MYBL2: variants seen among roughly 807,000 people sequenced by gnomAD.
The protein encoded by MYBL2 is myb-related protein B.
MYBL2 carries 28 observed loss-of-function variants against 79.9 expected under a neutral mutation model. The observed-to-expected ratio is 0.35, with a 90% CI of 0.26 to 0.48. The LOEUF (loss-of-function observed/expected upper bound fraction) is 0.48, where lower values mean the gene tolerates loss of function less well. Among genes scored for constraint, MYBL2 ranks in the 20% least tolerant of loss-of-function variants. The pLI, the probability that MYBL2 is intolerant of heterozygous loss-of-function variation, is 0.99. For synonymous variants in MYBL2, 378 were observed against 361.2 expected (o/e 1.05, Z -0.53); for missense variants, 735 against 893.9 (o/e 0.82, Z 2.27).
intron 1 of MYBL2, among the ~76,000 whole-genome samples, chr20:43,668,578 C>G (rs867653419): frequency 6.6e-6 from 1 of 151,990 alleles, no homozygotes; most frequent in South Asian, 2.1e-4. Flanking sequence ...CCCTTTCAGG[C>G]TGAGGATAGG....
intron 6 of MYBL2, among the ~76,000 whole-genome samples, chr20:43,697,955 A>G (rs1453206437): frequency 6.6e-6 from 1 of 151,194 alleles, no homozygotes; most frequent in Non-Finnish European, 1.5e-5. Context: ...ATGGTGTGCA[A>G]TGTGATGTTT....
chr20:43,682,584 C>A (rs570108412), intron 3 of MYBL2, among the ~76,000 whole-genome samples: 3 of 152,172 alleles, frequency 2.0e-5, no homozygotes, highest in Non-Finnish European at 4.4e-5. Flanking sequence ...CACAGGGGAC[C>A]GAGTTTGCCC....
intron 9 of MYBL2, among the ~76,000 whole-genome samples, chr20:43,706,718 A>ACTTTTTTTTTTTTTTT (rs1491241868): frequency 3.0e-4 from 1 of 3,336 alleles, no homozygotes; most frequent in African/African-American, 1.4e-3. Context: ...AAAAAAAAAA[A>ACTTTTTTTTTTTTTTT]GTTTTTTTTT....
Position 43,715,147 on chromosome 20 carries a change from C to T in MYBL2, c.1838C>T (p.Pro613Leu). Residue 613 changes from proline to leucine, a missense_variant, in exon 13 of 14, where the codon CCT (proline) becomes CTT (leucine). Physicochemically the swap from Pro to Leu is moderately conservative, Grantham distance 98. Coordinates refer to ENST00000217026, the MANE Select transcript of MYBL2 (RefSeq NM_002466.4). Reference sequence around the variant, plus strand: ...TTTTGGTTTCAGCCGACAACTGCCCCTTCAAACTCTTCCAGCCTCACCCTG... The same window carrying T: ...TTTTGGTTTCAGCCGACAACTGCCCTTTCAAACTCTTCCAGCCTCACCCTG... ...PKSLSLPTTA[P>L]SNSSSLTLSG... 1 of 1,614,218 alleles carries T rather than the reference C, an allele frequency of 6.2e-7. No homozygotes were observed. The highest frequency in any genetic ancestry group is 8.5e-7 in the Non-Finnish European group (1 of 1,180,020).
At chr20:43,667,685 G>T (rs1986751960) in intron 1 of MYBL2, among the ~76,000 whole-genome samples, 1 of 152,190 alleles carries the variant, frequency 6.6e-6, no homozygotes. Context: ...GGAGCGAGAG[G>T]GAGTCTTCAA....
intron 4 of MYBL2, among the ~76,000 whole-genome samples, chr20:43,685,604 A>G (rs1292507228): frequency 6.6e-6 from 1 of 152,154 alleles, no homozygotes; most frequent in Non-Finnish European, 1.5e-5. Flanking sequence ...AAAAAATACA[A>G]AAATTAGCCA....
chr20:43,716,235 G>A lies in MYBL2; in HGVS notation c.*148G>A. On this transcript the variant is annotated 3_prime_UTR_variant, in exon 14 of 14. Transcript: ENST00000217026. ...CCCAGACTCTCAGGTGGAGGCAACA[G>A]GGCCATGTGCTGCCCTGTTGCCGAG... The A allele has an allele frequency of 7.8e-7, 1 of 1,274,890 alleles. No homozygotes were observed. The highest frequency in any genetic ancestry group is 1.1e-6 in the Non-Finnish European group (1 of 933,226). 79.0% of individuals were successfully genotyped at this position (1,274,890 alleles called of 1,614,324 possible). A position where few individuals can be genotyped will look rare whatever the true frequency, so the allele number is the denominator to read the frequency against.
intron 9 of MYBL2, 40 bp from the exon 10 acceptor site, chr20:43,709,923 C>A: frequency 6.5e-7 from 1 of 1,528,778 alleles, no homozygotes; most frequent in South Asian, 1.2e-5. Context: ...GGCGTCGGCC[C>A]CTATCCTGTC....
intron 12 of MYBL2, 139 bp downstream of exon 12, chr20:43,713,245 C>A (rs1004578508): frequency 6.4e-6 from 4 of 629,912 alleles, no homozygotes; most frequent in Non-Finnish European, 1.1e-5. Context: ...GTCCGGGCAC[C>A]CACTCATGGC....
chr20:43,713,391 CTTT>C (rs1264826252), intron 12 of MYBL2, among the ~76,000 whole-genome samples: 1 of 141,678 alleles, frequency 7.1e-6, no homozygotes. Context: ...CTTTTTTTTT[CTTT>C]TTTTTTTTTT....
chr20:43,685,112 A>G (rs1469110179), intron 4 of MYBL2, among the ~76,000 whole-genome samples: 1 of 148,114 alleles, frequency 6.8e-6, no homozygotes, highest in Non-Finnish European at 1.5e-5. Flanking sequence ...GCGCCATTGT[A>G]CTCCAGCCTG....
At chr20:43,693,686 C>T (rs1987468396) in intron 6 of MYBL2, among the ~76,000 whole-genome samples, 4 of 152,184 alleles carry the variant, frequency 2.6e-5, no homozygotes, top group Admixed American at 2.6e-4. Context: ...TGTTAACATC[C>T]ACTGTCCTAT....
At chr20:43,684,917 TG>T (rs1987233016) in intron 4 of MYBL2, among the ~76,000 whole-genome samples, 1 of 149,956 alleles carries the variant, frequency 6.7e-6, no homozygotes, top group South Asian at 2.1e-4. Context: ...GAGCCTGGGG[TG>T]GGTGGATCAC....
Position 43,667,277 on chromosome 20 carries a change from C to CG in MYBL2, c.-1dup. ...CGGGCGAGCGCGGCGCGGTCCGGGC[C>CG]GGGGGGATGTCTCGGCGGACGCGCT... is the stretch of plus-strand genomic sequence containing the variant. On this transcript the variant is annotated 5_prime_UTR_variant, in exon 1 of 14. Coordinates refer to ENST00000217026, the MANE Select transcript of MYBL2 (RefSeq NM_002466.4). The CG allele has an allele frequency of 2.4e-6, 3 of 1,226,110 alleles. No individual in the cohort carries two copies. Among genetic ancestry groups the CG allele is most frequent in the Non-Finnish European group, 1.0e-6 (1 of 984,130 alleles). 76.0% of individuals were successfully genotyped at this position (1,226,110 alleles called of 1,614,324 possible).
intron 4 of MYBL2, among the ~76,000 whole-genome samples, 200 bp from the exon 5 acceptor site, chr20:43,686,652 G>A (rs187872068): frequency 8.5e-5 from 13 of 152,228 alleles, no homozygotes; most frequent in Admixed American, 2.0e-4. Context: ...AGAGGGATGC[G>A]GTCAGATCCT....
chr20:43,693,088 C>G (rs903608743), intron 6 of MYBL2, among the ~76,000 whole-genome samples: 1 of 152,000 alleles, frequency 6.6e-6, no homozygotes, highest in African/African-American at 2.4e-5. Context: ...GCTGGAGTTG[C>G]AGGGTGTGAT....
chr20:43,701,845 A>G (rs576787540), intron 7 of MYBL2, among the ~76,000 whole-genome samples: 1 of 152,176 alleles, frequency 6.6e-6, no homozygotes, highest in Non-Finnish European at 1.5e-5. Flanking sequence ...ACACAGTGAA[A>G]CACAGTCTCT....
At chr20:43,712,407 T>G (rs1260087614) in intron 11 of MYBL2, among the ~76,000 whole-genome samples, 1 of 151,992 alleles carries the variant, frequency 6.6e-6, no homozygotes, top group Non-Finnish European at 1.5e-5. Context: ...GCCTCCAGGG[T>G]CCTCCCTGGC....
In MYBL2 at chr20:43,705,224, G is replaced by A. The variant is rs1250738126; in HGVS notation, c.1371G>A (p.Leu457=). The change falls in exon 9 of 14, where the codon CTG becomes CTA. Residue 457 remains leucine (L), a synonymous_variant. Transcript: ENST00000217026. ...KTLPFSPSQF[L]NFWNKQDTLE... Reference sequence around the variant, plus strand: ...CCCTCTCTCTTCTTTGGCAGTTTCTGAACTTCTGGAACAAACAGGACACAT... The same window carrying A: ...CCCTCTCTCTTCTTTGGCAGTTTCTAAACTTCTGGAACAAACAGGACACAT... The A allele has an allele frequency of 6.2e-7, 1 of 1,613,794 alleles. No homozygotes were observed. Among genetic ancestry groups the A allele is most frequent in the Non-Finnish European group, 8.5e-7 (1 of 1,179,904 alleles).
Sources: gnomAD v4.1 joint callset for allele counts (sites outside exome capture counted in the v4.1 genomes callset) on GRCh38, gnomAD v4.1.1 for gene constraint, MANE v1.5 for transcripts, NCBI Gene and HGNC (gene_info 2026-07-23, HGNC 2026-07-21) for gene names.